Variants in SPIDR observed in about 807,000 individuals in gnomAD.
SPIDR encodes the protein DNA repair-scaffolding protein.
In SPIDR, 93 loss-of-function variants were observed where a neutral mutation model predicts 104.6. The observed-to-expected ratio is 0.89, with a 90% confidence interval of 0.75 to 1.06. The LOEUF (loss-of-function observed/expected upper bound fraction) is 1.06. SPIDR is among the 50% of genes least tolerant of loss of function. The pLI is 0.00. For missense variants in SPIDR, 1,154 were observed against 1,111.2 expected, an observed-to-expected ratio of 1.04 and a Z score of -0.55; for synonymous variants, 431 against 416.9, an observed-to-expected ratio of 1.03 and a Z score of -0.41.
At chr8:47,454,688 A>G (rs1554708723) in intron 8 of SPIDR, among the ~76,000 whole-genome samples, 1 of 152,164 alleles carries the variant, frequency 6.6e-6, no homozygotes, top group African/African-American at 2.4e-5. Flanking sequence ...TGTATATCTG[A>G]AAACAATATC....
chr8:47,553,108 G>C (rs1395129940), intron 8 of SPIDR, among the ~76,000 whole-genome samples: 1 of 152,202 alleles, frequency 6.6e-6, no homozygotes, highest in Non-Finnish European at 1.5e-5. Flanking sequence ...CTTCTGGCTT[G>C]TGGAGTGTCT....
At chr8:47,464,252 G>A (rs1252256721) in intron 8 of SPIDR, among the ~76,000 whole-genome samples, 3 of 151,940 alleles carry the variant, frequency 2.0e-5, no homozygotes, top group Admixed American at 1.3e-4. Flanking sequence ...TCTAAAAAAT[G>A]AATTTAAGTA....
chr8:47,712,622 T>C, intron 14 of SPIDR, 40 bp from the exon 15 acceptor site: 2 of 1,573,300 alleles, frequency 1.3e-6, no homozygotes, highest in South Asian at 2.3e-5. Flanking sequence ...AAACATTTTT[T>C]GGTATAATAA....
intron 6 of SPIDR, among the ~76,000 whole-genome samples, chr8:47,401,187 A>T (rs1349857185): frequency 1.3e-5 from 2 of 152,256 alleles, no homozygotes; most frequent in African/African-American, 4.8e-5. Flanking sequence ...AATATTCAAC[A>T]TTCTTAAAGA....
intron 8 of SPIDR, among the ~76,000 whole-genome samples, chr8:47,580,514 C>T (rs1425089788): frequency 6.6e-6 from 1 of 152,178 alleles, no homozygotes; most frequent in Non-Finnish European, 1.5e-5. Flanking sequence ...CACAGCCACA[C>T]AGCTTGTAAG....
intron 7 of SPIDR, among the ~76,000 whole-genome samples, chr8:47,418,116 G>C (rs2064706853): frequency 6.6e-6 from 1 of 152,056 alleles, no homozygotes; most frequent in Admixed American, 6.6e-5. Flanking sequence ...GGCTCTTTTT[G>C]GTTCCATATG....
In SPIDR at chr8:47,406,015, C is replaced by A. The variant is rs368639416; in HGVS notation, c.777-1846C>A. ...GTTTACTGTTGCTTTTACCTTTCAT[C>A]CTGTAATCTGCACAGTTTTCTTACG... On this transcript the variant is annotated intron_variant, in intron 6 of 19. Coordinates refer to ENST00000297423, the MANE Select transcript of SPIDR (RefSeq NM_001080394.4). 7.2e-5 allele frequency among the ~76,000 whole-genome samples: 11 copies of A among 151,896 alleles called. No individual in the cohort carries two copies. In the South Asian group the frequency reaches 2.1e-3, roughly 29 times the overall value.
intron 10 of SPIDR, among the ~76,000 whole-genome samples, chr8:47,622,488 C>T (rs975684213): frequency 1.3e-5 from 2 of 152,110 alleles, no homozygotes; most frequent in African/African-American, 4.8e-5. Context: ...GCTGACCTGA[C>T]GCGGGTCTCC....
chr8:47,645,518 G>A (rs1343344277), intron 10 of SPIDR, among the ~76,000 whole-genome samples: 1 of 152,132 alleles, frequency 6.6e-6, no homozygotes, highest in Non-Finnish European at 1.5e-5. Context: ...AGGTAAGCAC[G>A]TGAAGGCCAG....
chr8:47,309,883 A>G (rs1172751508), intron 5 of SPIDR, among the ~76,000 whole-genome samples: 1 of 151,202 alleles, frequency 6.6e-6, no homozygotes, highest in Non-Finnish European at 1.5e-5. Context: ...AAGAATACCA[A>G]AAAAAATTAG....
At chr8:47,466,624 G>A (rs1387353858) in intron 8 of SPIDR, among the ~76,000 whole-genome samples, 1 of 151,976 alleles carries the variant, frequency 6.6e-6, no homozygotes, top group East Asian at 1.9e-4. Flanking sequence ...ACTTTGGGAG[G>A]CCAAGGCAGG....
At chr8:47,670,953 G>A (rs1268453140) in intron 10 of SPIDR, among the ~76,000 whole-genome samples, 1 of 152,100 alleles carries the variant, frequency 6.6e-6, no homozygotes, top group East Asian at 1.9e-4. Context: ...GTGCCACCCA[G>A]GCTGGAGTGC....
At chr8:47,283,760 G>A (rs2038273015) in intron 2 of SPIDR, among the ~76,000 whole-genome samples, 1 of 152,178 alleles carries the variant, frequency 6.6e-6, no homozygotes. Flanking sequence ...CTCATAGGCA[G>A]TTGGAGTCAC....
At chr8:47,659,680 C>G in intron 10 of SPIDR, 1 of 985,096 alleles carries the variant, frequency 1.0e-6, no homozygotes, top group Non-Finnish European at 1.2e-6. Context: ...CAGCGGCTCC[C>G]TTGCGCTCAG....
intron 5 of SPIDR, among the ~76,000 whole-genome samples, chr8:47,339,248 G>T (rs2050292544): frequency 6.6e-6 from 1 of 152,112 alleles, no homozygotes; most frequent in Admixed American, 6.5e-5. Flanking sequence ...TCTAGGTTGT[G>T]CTTTGATAAG....
intron 4 of SPIDR, 67 bp downstream of exon 4, chr8:47,291,204 G>A: frequency 5.9e-6 from 6 of 1,023,998 alleles, no homozygotes; most frequent in Non-Finnish European, 8.5e-6. Flanking sequence ...GAAGATCAGA[G>A]TAATGAAGGT....
chr8:47,710,085 C>T (rs1460260689), intron 14 of SPIDR, among the ~76,000 whole-genome samples: 1 of 152,092 alleles, frequency 6.6e-6, no homozygotes, highest in Non-Finnish European at 1.5e-5. Context: ...ACCATGTTGG[C>T]CAGGCTGCTC....
intron 5 of SPIDR, among the ~76,000 whole-genome samples, chr8:47,333,953 T>G (rs1359712385): frequency 6.6e-6 from 1 of 152,236 alleles, no homozygotes; most frequent in Non-Finnish European, 1.5e-5. Context: ...TTGCTTTCAC[T>G]ACATCCCACA....
intron 11 of SPIDR, among the ~76,000 whole-genome samples, chr8:47,697,529 G>A (rs1404579944): frequency 6.6e-6 from 1 of 152,136 alleles, no homozygotes; most frequent in Non-Finnish European, 1.5e-5. Context: ...CGTGACTTTA[G>A]GAAAGCACGC....
Sources: allele counts gnomAD v4.1 joint callset (sites outside exome capture counted in the v4.1 genomes callset), GRCh38; gene constraint gnomAD v4.1.1; transcripts MANE v1.5; gene names NCBI Gene and HGNC (gene_info 2026-07-23, HGNC 2026-07-21).